The following BIN1 variants were observed in gnomAD, a reference collection of about 807,000 sequenced individuals.
BIN1 encodes the protein myc box-dependent-interacting protein 1.
A neutral mutation model predicts 82.0 loss-of-function variants in BIN1; 53 were observed. The ratio of observed to expected loss-of-function variants is 0.65; its 90% CI spans 0.52 to 0.81. The LOEUF (loss-of-function observed/expected upper bound fraction) is 0.81, where lower values mean the gene tolerates loss of function less well. Ranked by LOEUF, BIN1 falls within the 40% of genes least tolerant of loss-of-function variation. The pLI, the probability that BIN1 is intolerant of heterozygous loss-of-function variation, is 0.00. For missense variants in BIN1, 642 were observed against 784.4 expected (o/e 0.82, Z 2.17); for synonymous variants, 302 against 328.0 (o/e 0.92, Z 0.86).
chr2:127,053,857 G>T, intron 13 of BIN1, 48 bp downstream of exon 13: 1 of 1,528,784 alleles, frequency 6.5e-7, no homozygotes, highest in Middle Eastern at 1.9e-4. Context: ...CCCAGGGTTG[G>T]GCACCTGGAA....
chr2:127,079,370 G>T (rs1687014454), intron 1 of BIN1, among the ~76,000 whole-genome samples: 1 of 152,236 alleles, frequency 6.6e-6, no homozygotes, highest in African/African-American at 2.4e-5. Context: ...CCTGGCCCAT[G>T]ATATTCAAGA....
intron 1 of BIN1, chr2:127,081,724 C>T: frequency 1.7e-6 from 2 of 1,177,420 alleles, no homozygotes; most frequent in Non-Finnish European, 2.2e-6. Context: ...GAGTTCCCAA[C>T]ACCCCACCCC....
intron 5 of BIN1, 104 bp from the exon 6 acceptor site, chr2:127,069,135 G>T: frequency 9.5e-7 from 1 of 1,052,446 alleles, no homozygotes; most frequent in Non-Finnish European, 1.4e-6. Flanking sequence ...GGAGACCCCA[G>T]CTCCACAGGA....
chr2:127,106,787 G>A (rs1681200873), intron 1 of BIN1, 73 bp downstream of exon 1: 4 of 1,523,566 alleles, frequency 2.6e-6, no homozygotes, highest in East Asian at 2.5e-5. Flanking sequence ...CGGGGTCGGA[G>A]GATAGGGGGA....
chr2:127,075,247 T>C (rs1316733489), intron 2 of BIN1, among the ~76,000 whole-genome samples: 1 of 152,226 alleles, frequency 6.6e-6, no homozygotes, highest in African/African-American at 2.4e-5. Flanking sequence ...ATCTCAAGGA[T>C]TGCATAGATC....
At chr2:127,048,786 C>T (rs1035064915) in intron 18 of BIN1, among the ~76,000 whole-genome samples, 153 bp from the exon 19 acceptor site, 2 of 152,236 alleles carry the variant, frequency 1.3e-5, no homozygotes, top group Non-Finnish European at 2.9e-5. Flanking sequence ...CTCCTCCAGG[C>T]AGCACTCCCT....
At chr2:127,069,234 C>G (rs896686621) in intron 5 of BIN1, among the ~76,000 whole-genome samples, 11 of 152,218 alleles carry the variant, frequency 7.2e-5, no homozygotes, top group Non-Finnish European at 1.5e-4. Context: ...AAACCACTTC[C>G]TTGCACATGA....
intron 2 of BIN1, among the ~76,000 whole-genome samples, chr2:127,072,589 C>A (rs892535297): frequency 6.6e-6 from 1 of 150,840 alleles, no homozygotes; most frequent in African/African-American, 2.4e-5. Context: ...CAGAGCAGCA[C>A]ATAAGATGTA....
intron 2 of BIN1, 45 bp from the exon 3 acceptor site, chr2:127,070,861 C>A: frequency 6.4e-7 from 1 of 1,563,960 alleles, no homozygotes; most frequent in Non-Finnish European, 8.7e-7. Flanking sequence ...TGGTGGCACA[C>A]CCAGTCCCTG....
At chr2:127,069,576 C>T (rs1028758641) in intron 5 of BIN1, among the ~76,000 whole-genome samples, 5 of 152,242 alleles carry the variant, frequency 3.3e-5, no homozygotes, top group Non-Finnish European at 5.9e-5. Flanking sequence ...CACACGCACA[C>T]ACCCACACAT....
Position 127,068,403 on chromosome 2 carries a change from T to C in BIN1, c.520-148A>G. 2 of 480,054 alleles carry C rather than the reference T, an allele frequency of 4.2e-6. No individual in the cohort carries two copies. Among genetic ancestry groups the C allele is most frequent in the Non-Finnish European group, 7.5e-6 (2 of 267,410 alleles). 29.7% of individuals were successfully genotyped at this position (480,054 alleles called of 1,614,324 possible). A position where few individuals can be genotyped will look rare whatever the true frequency, so the allele number is the denominator to read the frequency against. On this transcript the variant is annotated intron_variant, in intron 6 of 18. Coordinates refer to ENST00000316724, the MANE Select transcript of BIN1 (RefSeq NM_139343.3). The surrounding 1 kb of genome is among the most constrained non-coding windows in gnomAD (Gnocchi z 4.9). ...ATATGGGCCCTTGAGGCCGAGAGAATTAGGGGGAGCCCGGGGGGTAAGGAA... is the reference window on the plus strand; with the variant it reads ...ATATGGGCCCTTGAGGCCGAGAGAACTAGGGGGAGCCCGGGGGGTAAGGAA...
chr2:127,054,118 C>A, intron 12 of BIN1, 106 bp from the exon 13 acceptor site: 7 of 874,044 alleles, frequency 8.0e-6, no homozygotes, highest in African/African-American at 1.7e-5. Context: ...GACACACACA[C>A]ATACACACAC....
chr2:127,091,117 G>T (rs1190467093), intron 1 of BIN1, among the ~76,000 whole-genome samples: 1 of 152,134 alleles, frequency 6.6e-6, no homozygotes, highest in Non-Finnish European at 1.5e-5. Flanking sequence ...CACATCATTG[G>T]TATTACTTCA....
At chr2:127,073,145 A>G (rs1272454182) in intron 2 of BIN1, among the ~76,000 whole-genome samples, 2 of 152,228 alleles carry the variant, frequency 1.3e-5, no homozygotes, top group African/African-American at 2.4e-5. Context: ...CGTGGCACGC[A>G]GATGTGCAAG....
intron 10 of BIN1, 133 bp downstream of exon 10, chr2:127,061,982 A>G: frequency 1.0e-6 from 1 of 982,940 alleles, no homozygotes; most frequent in Non-Finnish European, 1.5e-6. Context: ...CAGAGAGGCC[A>G]AGACAGGAAG....
intron 1 of BIN1, among the ~76,000 whole-genome samples, chr2:127,098,768 G>T (rs1292801123): frequency 1.3e-5 from 2 of 152,234 alleles, no homozygotes; most frequent in East Asian, 3.9e-4. Context: ...GCACTGCCCA[G>T]TACTGCTGTC....
At chr2:127,053,520 A>T in intron 13 of BIN1, 75 bp from the exon 14 acceptor site, 1 of 1,576,510 alleles carries the variant, frequency 6.3e-7, no homozygotes, top group Non-Finnish European at 8.6e-7. Flanking sequence ...GTCCCCAGGG[A>T]CCCTACCCCC....
chr2:127,073,160 C>T (rs572287720), intron 2 of BIN1, among the ~76,000 whole-genome samples: 27 of 152,360 alleles, frequency 1.8e-4, no homozygotes, highest in Admixed American at 5.2e-4. Flanking sequence ...TGCAAGGGGC[C>T]GGCCAGAGCA....
At position 127,101,429 on chromosome 2, in the gene BIN1, C is replaced by T. The variant is rs570309537; in HGVS notation, c.84+5431G>A. 5.3e-5 allele frequency among the ~76,000 whole-genome samples: 8 copies of T among 152,292 alleles called. No individual in the cohort carries two copies. In the East Asian group the frequency reaches 1.5e-3, roughly 29 times the overall value. The stretch of plus-strand genomic sequence containing the variant: ...TCTCAATCCTCAACCTAGCACACTC[C>T]TCCCGCACGGGACACATGCAGAAAG... On this transcript the variant is annotated intron_variant, in intron 1 of 18. Transcript: ENST00000316724.
Sources: allele counts gnomAD v4.1 joint callset (sites outside exome capture counted in the v4.1 genomes callset), GRCh38; gene constraint gnomAD v4.1.1; non-coding constraint Gnocchi (gnomAD v3.1); transcripts MANE v1.5; gene names NCBI Gene and HGNC (gene_info 2026-07-23, HGNC 2026-07-21).